Variants in IRGM observed in about 807,000 individuals in gnomAD.
The protein encoded by IRGM is immunity related GTPase M.
For synonymous variants in IRGM, 98 were observed against 80.6 expected (o/e 1.22, Z -1.16); for missense variants, 288 against 219.9 (o/e 1.31, Z -1.96).
chr5:150,855,428 T>C (rs371111408), intron 1 of IRGM, among the ~76,000 whole-genome samples: 1 of 152,206 alleles, frequency 6.6e-6, no homozygotes, highest in Non-Finnish European at 1.5e-5. Flanking sequence ...TTTATTAAAA[T>C]CAATGAAATG....
intron 1 of IRGM, among the ~76,000 whole-genome samples, chr5:150,871,896 A>G (rs576183678): frequency 3.0e-4 from 46 of 152,334 alleles, no homozygotes; most frequent in Middle Eastern, 6.8e-3. Flanking sequence ...TCATTGATCC[A>G]GTTAAAAGAT....
At chr5:150,898,150 C>A (rs1754863323) in intron 3 of IRGM, 1 of 1,613,410 alleles carries the variant, frequency 6.2e-7, no homozygotes, top group African/African-American at 1.3e-5. Flanking sequence ...CTTGTTCCAA[C>A]TTGGAGATGA....
At chr5:150,898,594 C>T (rs914731967) in intron 3 of IRGM, 1 of 1,537,566 alleles carries the variant, frequency 6.5e-7, no homozygotes, top group Non-Finnish European at 8.8e-7. Context: ...AATGATCATT[C>T]TCATAATTTC....
downstream of IRGM, among the ~76,000 whole-genome samples, chr5:150,901,490 G>C (rs1346732391): frequency 6.6e-6 from 1 of 151,922 alleles, no homozygotes; most frequent in Admixed American, 6.6e-5. Context: ...ATATTAGACA[G>C]CACGGCTCTA....
In IRGM at chr5:150,848,196, ACT is replaced by A; in HGVS notation, c.76_77del (p.Leu26GlufsTer9). 1.3e-6 allele frequency: 2 copies of A among 1,551,694 alleles called. No individual in the cohort carries two copies. Among genetic ancestry groups the A allele is most frequent in the South Asian group, 1.2e-5 (1 of 84,046 alleles). On this transcript the variant is annotated frameshift_variant, in exon 2 of 2. Coordinates refer to ENST00000522154, the MANE Select transcript of IRGM (RefSeq NM_001145805.2). LOFTEE classifies it low-confidence loss of function (END_TRUNC). Reference protein sequence around the residue: ...LPEVISNIKETLKIVSRTPVN... With the variant: ...LPEVISNIKEXLKIVSRTPVN... ...AGAGGTGATCTCTAACATCAAGGAG[ACT>A]CTGAAGATAGTGTCCAGGACACCAG...
At chr5:150,854,336 G>C (rs1257012334) in intron 1 of IRGM, among the ~76,000 whole-genome samples, 5 of 152,034 alleles carry the variant, frequency 3.3e-5, no homozygotes, top group African/African-American at 1.2e-4. Context: ...ATAAAGTGTA[G>C]TTACAAGCCA....
intron 3 of IRGM, among the ~76,000 whole-genome samples, chr5:150,883,154 A>G (rs1033180674): frequency 6.6e-6 from 1 of 152,138 alleles, no homozygotes; most frequent in African/African-American, 2.4e-5. Context: ...ACTAAAAAAT[A>G]TCTTCAGACA....
At chr5:150,878,093 G>A in exon 2 of IRGM, 1 of 460,330 alleles carries the variant, frequency 2.2e-6, no homozygotes, top group Admixed American at 2.4e-5. Flanking sequence ...GCAAGCCCTA[G>A]AAATAGCAAG....
chr5:150,851,520 T>C (rs1753975133), downstream of IRGM, among the ~76,000 whole-genome samples: 1 of 152,146 alleles, frequency 6.6e-6, no homozygotes, highest in Non-Finnish European at 1.5e-5. Context: ...AGACAAAATT[T>C]TTGTATATGA....
intron 3 of IRGM, among the ~76,000 whole-genome samples, chr5:150,887,484 G>A (rs901608050): frequency 2.0e-5 from 3 of 151,756 alleles, no homozygotes; most frequent in South Asian, 4.1e-4. Context: ...TTCTTCAAAG[G>A]GAGGAAGCAA....
chr5:150,898,611 A>G (rs1754884428), intron 3 of IRGM: 1 of 1,521,388 alleles, frequency 6.6e-7, no homozygotes, highest in Non-Finnish European at 8.9e-7. Context: ...TTTCTGCTAT[A>G]ATGTGCACAA....
intron 1 of IRGM, among the ~76,000 whole-genome samples, chr5:150,856,234 A>G (rs1228293927): frequency 1.3e-5 from 2 of 152,014 alleles, no homozygotes; most frequent in South Asian, 2.1e-4. Flanking sequence ...AGATCAAGAC[A>G]ATCCTAGCCA....
intron 1 of IRGM, among the ~76,000 whole-genome samples, chr5:150,868,113 C>T (rs1754232531): frequency 6.6e-6 from 1 of 152,022 alleles, no homozygotes; most frequent in African/African-American, 2.4e-5. Flanking sequence ...AGGTCTTAGA[C>T]TTAAGTCTTT....
At chr5:150,890,832 A>AT (rs1754597988) in intron 3 of IRGM, among the ~76,000 whole-genome samples, 5 of 152,202 alleles carry the variant, frequency 3.3e-5, no homozygotes, top group African/African-American at 9.6e-5. Flanking sequence ...ATCACATGAG[A>AT]ATGAGTCACC....
intron 1 of IRGM, among the ~76,000 whole-genome samples, chr5:150,869,788 A>G (rs1450768874): frequency 1.3e-5 from 2 of 151,974 alleles, no homozygotes; most frequent in African/African-American, 2.4e-5. Flanking sequence ...CACCTTTCCA[A>G]TTTGCTTCAA....
At chr5:150,860,074 C>G (rs1754115615) in intron 1 of IRGM, among the ~76,000 whole-genome samples, 1 of 152,116 alleles carries the variant, frequency 6.6e-6, no homozygotes, top group Non-Finnish European at 1.5e-5. Context: ...CTCAATATAG[C>G]TAAATAATGC....
chr5:150,851,331 G>A (rs1484895041), downstream of IRGM, among the ~76,000 whole-genome samples: 3 of 152,088 alleles, frequency 2.0e-5, no homozygotes, highest in Non-Finnish European at 4.4e-5. Flanking sequence ...CTTATCTGTC[G>A]TAGACATGAT....
At chr5:150,856,417 C>T (rs59624008) in intron 1 of IRGM, among the ~76,000 whole-genome samples, 26,059 of 151,644 alleles carry the variant, frequency 0.17, 3,199 homozygotes, top group East Asian at 0.43. Context: ...GGCAACAGAG[C>T]GAGACGTTGT....
chr5:150,886,903 T>A (rs1439103468), intron 3 of IRGM, among the ~76,000 whole-genome samples: 1 of 152,056 alleles, frequency 6.6e-6, no homozygotes, highest in East Asian at 1.9e-4. Context: ...CTTGATTTCC[T>A]TCAGTTCAGC....
Sources: gnomAD v4.1 joint callset for allele counts (sites outside exome capture counted in the v4.1 genomes callset) on GRCh38, gnomAD v4.1.1 for gene constraint, MANE v1.5 for transcripts, NCBI Gene and HGNC (gene_info 2026-07-23, HGNC 2026-07-21) for gene names.